The following ARMC8 variants were observed in gnomAD, a reference collection of about 807,000 sequenced individuals.
The protein encoded by ARMC8 is armadillo repeat-containing protein 8.
In ARMC8, 20 loss-of-function variants were observed where a neutral mutation model predicts 99.3. The ratio of observed to expected loss-of-function variants is 0.20; its 90% CI spans 0.14 to 0.29. The LOEUF is 0.29. Among genes scored for constraint, ARMC8 ranks in the 10% least tolerant of loss-of-function variants. The pLI is 1.00. For synonymous variants in ARMC8, 263 were observed against 278.3 expected, an observed-to-expected ratio of 0.95 and a Z score of 0.55; for missense variants, 569 against 809.5, an observed-to-expected ratio of 0.70 and a Z score of 3.60.
chr3:138,264,120 A>T lies in ARMC8; in HGVS notation c.1218-11A>T. On this transcript the variant is annotated splice_polypyrimidine_tract_variant and intron_variant, in intron 13 of 21. Coordinates refer to ENST00000469044, the MANE Select transcript of ARMC8 (RefSeq NM_001363941.2). ...ATTTCTTGTGAAGCTAATTTTGATTATTCTTTGTAGATGTTTGCACAGTTT... is the reference window on the plus strand; with the variant it reads ...ATTTCTTGTGAAGCTAATTTTGATTTTTCTTTGTAGATGTTTGCACAGTTT... 1 of 1,607,362 alleles carries T rather than the reference A, an allele frequency of 6.2e-7. No individual in the cohort carries two copies. Among genetic ancestry groups the T allele is most frequent in the Non-Finnish European group, 8.5e-7 (1 of 1,176,680 alleles).
At chr3:138,283,719 AG>A (rs2050146812) in intron 18 of ARMC8, among the ~76,000 whole-genome samples, 1 of 152,212 alleles carries the variant, frequency 6.6e-6, no homozygotes, top group African/African-American at 2.4e-5. Flanking sequence ...TGACAAGAAC[AG>A]TTTTTCCTTT....
intron 2 of ARMC8, among the ~76,000 whole-genome samples, chr3:138,218,363 A>G (rs1019612282): frequency 2.6e-5 from 4 of 152,106 alleles, no homozygotes; most frequent in African/African-American, 9.7e-5. Flanking sequence ...TCCTTAATCC[A>G]TCTCCCTTTA....
chr3:138,209,747 T>C (rs2044590492), intron 1 of ARMC8, 70 bp from the exon 2 acceptor site: 2 of 1,246,430 alleles, frequency 1.6e-6, no homozygotes, highest in Non-Finnish European at 2.4e-6. Flanking sequence ...TCACTTGATA[T>C]TGTGGGTGAT....
intron 18 of ARMC8, among the ~76,000 whole-genome samples, chr3:138,281,502 AG>A (rs1240824403): frequency 6.6e-6 from 1 of 152,130 alleles, no homozygotes; most frequent in East Asian, 1.9e-4. Flanking sequence ...CATATTGGCC[AG>A]GATGGTCTCA....
At chr3:138,187,718 G>C in intron 1 of ARMC8, 119 bp downstream of exon 1, 1 of 1,145,592 alleles carries the variant, frequency 8.7e-7, no homozygotes. Context: ...CCCCGGCTCA[G>C]TCTCGGGCCA....
At chr3:138,233,182 G>T (rs1197725192) in intron 6 of ARMC8, among the ~76,000 whole-genome samples, 1 of 152,196 alleles carries the variant, frequency 6.6e-6, no homozygotes, top group Non-Finnish European at 1.5e-5. Flanking sequence ...CTGGTATCCA[G>T]TATCCAGTAA....
intron 18 of ARMC8, among the ~76,000 whole-genome samples, chr3:138,281,520 T>A (rs571174626): frequency 6.6e-6 from 1 of 152,252 alleles, no homozygotes; most frequent in Admixed American, 6.5e-5. Flanking sequence ...CTCAATCTCT[T>A]GACCTCGTAA....
intron 1 of ARMC8, among the ~76,000 whole-genome samples, chr3:138,195,456 A>AT (rs1194234258): frequency 6.6e-6 from 1 of 152,196 alleles, no homozygotes; most frequent in East Asian, 1.9e-4. Context: ...GTGCATGTTC[A>AT]GGAAGTCTTT....
intron 20 of ARMC8, among the ~76,000 whole-genome samples, chr3:138,289,988 G>A (rs906048115): frequency 1.3e-5 from 2 of 152,184 alleles, no homozygotes; most frequent in African/African-American, 2.4e-5. Context: ...TAGATACCAC[G>A]TACCACTTGT....
intron 5 of ARMC8, among the ~76,000 whole-genome samples, chr3:138,227,642 A>C (rs1370291698): frequency 1.3e-5 from 2 of 152,162 alleles, no homozygotes; most frequent in African/African-American, 4.8e-5. Flanking sequence ...TTTTTTCCCA[A>C]GGAAAATCCC....
At position 138,284,576 on chromosome 3, in the gene ARMC8, C is replaced by G. The variant is rs371471881; in HGVS notation, c.1821+50C>G. 222 of 1,314,212 alleles carry G rather than the reference C, an allele frequency of 1.7e-4. 1 individual carries two copies. The highest frequency in any genetic ancestry group is 2.0e-4 in the Non-Finnish European group (181 of 912,042). 81.4% of individuals were successfully genotyped at this position (1,314,212 alleles called of 1,614,324 possible). A position where few individuals can be genotyped will look rare whatever the true frequency, so the allele number is the denominator to read the frequency against. On this transcript the variant is annotated intron_variant, in intron 19 of 21. Transcript: ENST00000469044. ...TAGGATTAGAATGCAGGGACTGTTG[C>G]ATTTTTAACTCAAAATAAATTGTGC...
intron 15 of ARMC8, among the ~76,000 whole-genome samples, chr3:138,269,820 CTTT>C (rs77095833): frequency 8.2e-6 from 1 of 121,662 alleles, no homozygotes; most frequent in Non-Finnish European, 1.7e-5. Context: ...TGTTTTCTTT[CTTT>C]TTTTTTTTTT....
intron 5 of ARMC8, among the ~76,000 whole-genome samples, chr3:138,226,405 G>A (rs776559569): frequency 1.3e-5 from 2 of 152,186 alleles, no homozygotes; most frequent in Non-Finnish European, 2.9e-5. Context: ...AGTTGCACTA[G>A]TATTACGTGG....
chr3:138,215,927 C>T (rs1032369307), intron 2 of ARMC8, among the ~76,000 whole-genome samples: 8 of 151,536 alleles, frequency 5.3e-5, no homozygotes, highest in Admixed American at 3.9e-4. Context: ...GTGATGCAAT[C>T]TCGGCTCACT....
intron 18 of ARMC8, among the ~76,000 whole-genome samples, chr3:138,279,302 C>G (rs570512340): frequency 6.2e-4 from 94 of 152,116 alleles, no homozygotes; most frequent in African/African-American, 2.1e-3. Flanking sequence ...CTTTCTTTTG[C>G]ATCTGTTGAA....
intron 11 of ARMC8, among the ~76,000 whole-genome samples, chr3:138,243,772 C>T (rs2046746595): frequency 2.6e-5 from 4 of 152,148 alleles, no homozygotes; most frequent in South Asian, 2.1e-4. Context: ...ATTGATCAAG[C>T]TATACCACTG....
chr3:138,257,868 G>A (rs1416943650), intron 12 of ARMC8, among the ~76,000 whole-genome samples: 1 of 152,048 alleles, frequency 6.6e-6, no homozygotes, highest in Non-Finnish European at 1.5e-5. Context: ...ACCTCCTTGT[G>A]CTGCACCCTG....
intron 1 of ARMC8, among the ~76,000 whole-genome samples, chr3:138,194,755 C>G (rs1014870211): frequency 6.6e-6 from 1 of 151,822 alleles, no homozygotes; most frequent in African/African-American, 2.4e-5. Flanking sequence ...TTGGCCTTGC[C>G]TATAGCTACT....
chr3:138,270,853 A>G (rs528821868), intron 16 of ARMC8, among the ~76,000 whole-genome samples: 6 of 152,348 alleles, frequency 3.9e-5, no homozygotes, highest in Non-Finnish European at 7.4e-5. Context: ...AATTGTAAAT[A>G]GAGTAATCCT....
Sources: allele counts gnomAD v4.1 joint callset (sites outside exome capture counted in the v4.1 genomes callset), GRCh38; gene constraint gnomAD v4.1.1; transcripts MANE v1.5; gene names NCBI Gene and HGNC (gene_info 2026-07-23, HGNC 2026-07-21).